DPYD: variants seen among roughly 807,000 people sequenced by gnomAD.
DPYD encodes dihydropyrimidine dehydrogenase.
A neutral mutation model predicts 116.2 loss-of-function variants in DPYD; 109 were observed. The observed-to-expected ratio is 0.94, with a 90% CI of 0.80 to 1.10. The LOEUF is 1.10. Ranked by LOEUF, DPYD falls within the 50% of genes least tolerant of loss-of-function variation. The probability of loss-of-function intolerance (pLI) is 0.00; values close to 1 mark genes in which losing one functional copy is unlikely to be tolerated. For synonymous variants in DPYD, 440 were observed against 432.0 expected (o/e 1.02, Z -0.23); for missense variants, 1,302 against 1,254.5 (o/e 1.04, Z -0.57).
chr1:97,557,313 T>TC (rs1400492193), intron 11 of DPYD, among the ~76,000 whole-genome samples: 7 of 138,210 alleles, frequency 5.1e-5, no homozygotes, highest in South Asian at 2.3e-4. Context: ...CTTTTCTTTT[T>TC]TTTTTTTTTT....
At chr1:97,469,990 A>G (rs565116928) in intron 13 of DPYD, among the ~76,000 whole-genome samples, 2 of 152,326 alleles carry the variant, frequency 1.3e-5, no homozygotes, top group Admixed American at 1.3e-4. Flanking sequence ...GGATAGCTAA[A>G]TAGACTTGAA....
intron 18 of DPYD, among the ~76,000 whole-genome samples, chr1:97,303,347 T>C (rs914915078): frequency 6.6e-6 from 1 of 152,030 alleles, no homozygotes; most frequent in African/African-American, 2.4e-5. Flanking sequence ...ATATTAGCAC[T>C]GTGCTATGGT....
chr1:97,589,212 C>A (rs1654345966), intron 10 of DPYD, among the ~76,000 whole-genome samples: 1 of 152,216 alleles, frequency 6.6e-6, no homozygotes, highest in South Asian at 2.1e-4. Flanking sequence ...ATTCCTGAGT[C>A]TAACCATATA....
chr1:97,116,876 C>G (rs1052951001), intron 20 of DPYD, among the ~76,000 whole-genome samples: 1 of 151,678 alleles, frequency 6.6e-6, no homozygotes, highest in African/African-American at 2.4e-5. Flanking sequence ...AACTCCAGGC[C>G]AGTGACTCAC....
intron 14 of DPYD, among the ~76,000 whole-genome samples, chr1:97,386,968 T>A (rs1315107833): frequency 6.6e-6 from 1 of 151,834 alleles, no homozygotes; most frequent in Non-Finnish European, 1.5e-5. Context: ...TTTTTTTTCC[T>A]AAGAAAAAAA....
At chr1:97,753,883 C>T (rs1312003281) in intron 3 of DPYD, among the ~76,000 whole-genome samples, 3 of 151,574 alleles carry the variant, frequency 2.0e-5, no homozygotes, top group Non-Finnish European at 1.5e-5. Flanking sequence ...TGACTCTAAA[C>T]TAATTATGTC....
intron 20 of DPYD, among the ~76,000 whole-genome samples, chr1:97,177,570 T>C (rs116286374): frequency 0.031 from 4,627 of 148,660 alleles, 231 homozygotes; most frequent in African/African-American, 0.11. Context: ...TTCTTTCTTT[T>C]TTTTTTTTTT....
At chr1:97,080,596 G>A (rs1380000590) in intron 22 of DPYD, among the ~76,000 whole-genome samples, 1 of 152,042 alleles carries the variant, frequency 6.6e-6, no homozygotes, top group Non-Finnish European at 1.5e-5. Flanking sequence ...TTGGTGCTAT[G>A]TTTTGTAAAA....
At chr1:97,123,769 G>C (rs1202227611) in intron 20 of DPYD, among the ~76,000 whole-genome samples, 3 of 151,994 alleles carry the variant, frequency 2.0e-5, no homozygotes, top group Non-Finnish European at 4.4e-5. Context: ...ATCTTTAACA[G>C]ATTTTTTGTT....
intron 14 of DPYD, among the ~76,000 whole-genome samples, chr1:97,394,884 T>C (rs2101614616): frequency 6.6e-6 from 1 of 152,210 alleles, no homozygotes; most frequent in South Asian, 2.1e-4. Context: ...TTTGGCTGAC[T>C]TTGAAACAAA....
intron 2 of DPYD, among the ~76,000 whole-genome samples, chr1:97,845,011 G>A (rs552397007): frequency 2.3e-4 from 35 of 152,324 alleles, no homozygotes; most frequent in African/African-American, 7.0e-4. Context: ...TTTGGGTACC[G>A]ATGAACAACA....
At chr1:97,462,009 T>G (rs72729930) in intron 13 of DPYD, among the ~76,000 whole-genome samples, 24,438 of 152,208 alleles carry the variant, frequency 0.16, 2,184 homozygotes, top group South Asian at 0.29. Context: ...ATTTTTTTTT[T>G]GTTTGTTTCA....
intron 16 of DPYD, among the ~76,000 whole-genome samples, chr1:97,355,237 A>G (rs1670367705): frequency 6.6e-6 from 1 of 152,168 alleles, no homozygotes; most frequent in Non-Finnish European, 1.5e-5. Context: ...AATATTCAAA[A>G]TCTTTCATTT....
chr1:97,114,792 C>A (rs531864729), intron 20 of DPYD, among the ~76,000 whole-genome samples: 3 of 152,198 alleles, frequency 2.0e-5, no homozygotes, highest in Middle Eastern at 6.8e-3. Context: ...CAAACAAATA[C>A]CATATATTCC....
chr1:97,225,308 T>C (rs1661067107), intron 19 of DPYD, among the ~76,000 whole-genome samples: 1 of 152,074 alleles, frequency 6.6e-6, no homozygotes, highest in Non-Finnish European at 1.5e-5. Context: ...TGTAAGATAA[T>C]ATCTCATTGT....
chr1:97,252,283 A>G (rs935649109), intron 18 of DPYD, among the ~76,000 whole-genome samples: 1 of 152,182 alleles, frequency 6.6e-6, no homozygotes, highest in Non-Finnish European at 1.5e-5. Flanking sequence ...GGATGACTCA[A>G]CTTATTGCCA....
intron 8 of DPYD, among the ~76,000 whole-genome samples, chr1:97,642,192 G>A (rs755735564): frequency 6.6e-6 from 1 of 151,996 alleles, no homozygotes; most frequent in African/African-American, 2.4e-5. Flanking sequence ...TACAGATTCA[G>A]TGCGATCCTC....
intron 18 of DPYD, among the ~76,000 whole-genome samples, chr1:97,302,387 A>G (rs1431261870): frequency 6.6e-6 from 1 of 151,996 alleles, no homozygotes; most frequent in Non-Finnish European, 1.5e-5. Context: ...GAGCAATACT[A>G]TGATGTATTT....
chr1:97,667,827 T>G (rs570133868), intron 8 of DPYD, among the ~76,000 whole-genome samples: 2 of 152,268 alleles, frequency 1.3e-5, no homozygotes, highest in Non-Finnish European at 2.9e-5. Flanking sequence ...GTCCATTGAT[T>G]GATTAATGTT....
Sources: gnomAD v4.1 joint callset for allele counts (sites outside exome capture counted in the v4.1 genomes callset) on GRCh38, gnomAD v4.1.1 for gene constraint, MANE v1.5 for transcripts, NCBI Gene and HGNC (gene_info 2026-07-23, HGNC 2026-07-21) for gene names.